The following ACSL1 variants were observed in gnomAD, a reference collection of about 807,000 sequenced individuals.
ACSL1 encodes long-chain-fatty-acid--CoA ligase 1.
A neutral mutation model predicts 98.4 loss-of-function variants in ACSL1; 41 were observed. The observed-to-expected ratio is 0.42, with a 90% CI of 0.32 to 0.54. ACSL1 has a LOEUF of 0.54. Ranked by LOEUF, ACSL1 falls within the 20% of genes least tolerant of loss-of-function variation. ACSL1 has a pLI of 0.13. For missense variants in ACSL1, 734 were observed against 883.1 expected (o/e 0.83, Z 2.14); for synonymous variants, 316 against 322.7 (o/e 0.98, Z 0.22).
Position 184,776,901 on chromosome 4 carries a change from G to C in ACSL1, c.560C>G (p.Thr187Arg), listed in dbSNP as rs199729148. 6.2e-7 allele frequency: 1 copy of C among 1,614,144 alleles called. No homozygotes were observed. Residue 187 changes from threonine to arginine, a missense_variant, in exon 6 of 21, where the codon ACG (threonine) becomes AGG (arginine). Transcript: ENST00000281455. ...AGACGTACCTTTGTTGACTATGTAC[G>C]TGATGGCTTCATTTCCAAGGGTATC... Reference protein sequence around the residue: ...LYDTLGNEAITYIVNKAELSL... With the variant: ...LYDTLGNEAIRYIVNKAELSL...
At chr4:184,774,001 T>C in intron 7 of ACSL1, 126 bp from the exon 8 acceptor site, 1 of 964,194 alleles carries the variant, frequency 1.0e-6, no homozygotes, top group South Asian at 1.5e-5. Flanking sequence ...GAAAACAGCA[T>C]AATTTTCTAA....
At chr4:184,771,788 A>C (rs1764549983) in intron 10 of ACSL1, among the ~76,000 whole-genome samples, 1 of 152,188 alleles carries the variant, frequency 6.6e-6, no homozygotes, top group Non-Finnish European at 1.5e-5. Context: ...GGTCACCCTT[A>C]ATAATAATGT....
chr4:184,811,653 G>A (rs959590453), intron 1 of ACSL1, among the ~76,000 whole-genome samples: 1 of 152,066 alleles, frequency 6.6e-6, no homozygotes, highest in African/African-American at 2.4e-5. Context: ...GCTGGGCAGG[G>A]GGAGGAGGAA....
chr4:184,762,982 C>T (rs1158759052), intron 16 of ACSL1, among the ~76,000 whole-genome samples, 185 bp downstream of exon 16: 3 of 152,182 alleles, frequency 2.0e-5, no homozygotes, highest in African/African-American at 7.2e-5. Flanking sequence ...CAGTGTCCCT[C>T]CTGCCCACTC....
intron 1 of ACSL1, chr4:184,808,331 A>G: frequency 1.0e-6 from 1 of 985,422 alleles, no homozygotes; most frequent in Non-Finnish European, 1.2e-6. Context: ...AGAAACCAAA[A>G]ACCGGGTGGT....
At chr4:184,785,623 A>AGGGG (rs1767144801) in intron 3 of ACSL1, among the ~76,000 whole-genome samples, 3 of 34,032 alleles carry the variant, frequency 8.8e-5, no homozygotes, top group Non-Finnish European at 1.3e-4. Flanking sequence ...GGGGGGGGGA[A>AGGGG]GGAAGCAAAT....
At position 184,757,471 on chromosome 4, in the gene ACSL1, T is replaced by C. The variant is rs1000589968; in HGVS notation, c.1956+164A>G. 1.3e-5 allele frequency among the ~76,000 whole-genome samples: 2 copies of C among 152,226 alleles called. No individual in the cohort carries two copies. Among genetic ancestry groups the C allele is most frequent in the Non-Finnish European group, 2.9e-5 (2 of 68,038 alleles). ...TATTCTGATATCCAGGAAAAGAGAATAAATGCTTTTGATTTAAAAACCTTT... is the reference window on the plus strand; with the variant it reads ...TATTCTGATATCCAGGAAAAGAGAACAAATGCTTTTGATTTAAAAACCTTT... On this transcript the variant is annotated intron_variant, in intron 20 of 20. Coordinates refer to ENST00000281455, the MANE Select transcript of ACSL1 (RefSeq NM_001995.5). The surrounding 1 kb of genome is among the most constrained non-coding windows in gnomAD (Gnocchi z 4.5).
At chr4:184,759,116 T>C (rs1762528564) in intron 18 of ACSL1, among the ~76,000 whole-genome samples, 2 of 152,198 alleles carry the variant, frequency 1.3e-5, no homozygotes, top group African/African-American at 2.4e-5. Flanking sequence ...CCATGGTGTA[T>C]ATGTGACACA....
chr4:184,773,748 T>A lies in ACSL1; in HGVS notation c.790-34A>T. ...TAAAAAAAAAAAAAGCTGGTATAAA[T>A]CAGAACAGAAAAGAGAACTATAAGC... On this transcript the variant is annotated intron_variant, in intron 8 of 20. Transcript: ENST00000281455. The surrounding 1 kb of genome is among the most constrained non-coding windows in gnomAD (Gnocchi z 4.3). 6.2e-7 allele frequency: 1 copy of A among 1,601,792 alleles called. No homozygotes were observed. The highest frequency in any genetic ancestry group is 1.1e-5 in the South Asian group (1 of 89,194).
Position 184,766,832 on chromosome 4 carries a change from C to A in ACSL1, c.1129-76G>T. The stretch of plus-strand genomic sequence containing the variant: ...GTCAAAGAGTGTGGAGAAATCAGAA[C>A]CCTCACACACAGCTGGGGAACACAA... On this transcript the variant is annotated intron_variant, in intron 12 of 20. Transcript: ENST00000281455. The surrounding 1 kb of genome is among the most constrained non-coding windows in gnomAD (Gnocchi z 4.8). 2.0e-6 allele frequency: 3 copies of A among 1,481,420 alleles called. No individual in the cohort carries two copies. The highest frequency in any genetic ancestry group is 1.3e-5 in the South Asian group (1 of 79,924). The allele number at this position is 1,481,420 out of a possible 1,614,324, so 91.8% of individuals were successfully genotyped here.
chr4:184,780,320 A>G lies in ACSL1; in HGVS notation c.477+12T>C, dbSNP rs1561201765. On this transcript the variant is annotated intron_variant, in intron 5 of 20. Coordinates refer to ENST00000281455, the MANE Select transcript of ACSL1 (RefSeq NM_001995.5). ...TCAAAATCATGCATAGCAAGTACCT[A>G]CTGGTTCATACCTCAGGTCTATTTT... 6.2e-7 allele frequency: 1 copy of G among 1,607,738 alleles called. No homozygotes were observed. The highest frequency in any genetic ancestry group is 8.5e-7 in the Non-Finnish European group (1 of 1,175,740).
chr4:184,786,434 A>G lies in ACSL1; in HGVS notation c.310+2183T>C, dbSNP rs199606984. On this transcript the variant is annotated intron_variant, in intron 3 of 20. Coordinates refer to ENST00000281455, the MANE Select transcript of ACSL1 (RefSeq NM_001995.5). ...GGTGGCAAAGCACACACACACACACACACACACACACACACACACACACAC... is the reference window on the plus strand; with the variant it reads ...GGTGGCAAAGCACACACACACACACGCACACACACACACACACACACACAC... Among the ~76,000 whole-genome samples the G allele has an allele frequency of 6.8e-3, 979 of 144,858 alleles. 21 individuals carry two copies. The highest frequency in any genetic ancestry group is 0.046 in the South Asian group (209 of 4,522).
rs748471468 is a variant in ACSL1 at position 184,766,703 on chromosome 4, G to A, written c.1182C>T (p.Ser394=). Residue 394 remains serine, a synonymous_variant, in exon 13 of 21, where the codon TCC becomes TCT. Coordinates refer to ENST00000281455, the MANE Select transcript of ACSL1 (RefSeq NM_001995.5). This position sits in a 1 kb window ranked among gnomAD's most constrained non-coding sequence, Gnocchi z 4.8. ...TLKRWLLDFA[S]KRKEAELRSG... ...TGCGAAGCTCTGCTTCTTTCCTCTTGGAGGCAAAGTCCAAGAGCCATCGCT... is the reference window on the plus strand; with the variant it reads ...TGCGAAGCTCTGCTTCTTTCCTCTTAGAGGCAAAGTCCAAGAGCCATCGCT... The A allele has an allele frequency of 9.9e-6, 16 of 1,614,040 alleles. No individual in the cohort carries two copies. The Admixed American group carries it at 1.0e-4, about 10-fold the overall frequency.
At chr4:184,793,137 AG>A (rs1323479777) in intron 2 of ACSL1, among the ~76,000 whole-genome samples, 4 of 150,834 alleles carry the variant, frequency 2.7e-5, no homozygotes, top group African/African-American at 7.3e-5. Context: ...AGGCTTTAGG[AG>A]TCTTTTATTC....
At chr4:184,780,538 A>G in intron 4 of ACSL1, 105 bp from the exon 5 acceptor site, 1 of 736,104 alleles carries the variant, frequency 1.4e-6, no homozygotes, top group Non-Finnish European at 2.3e-6. Flanking sequence ...AATGCTGCAC[A>G]CAGAAACGGA....
chr4:184,792,512 T>C (rs756585843), intron 2 of ACSL1, among the ~76,000 whole-genome samples: 3 of 152,200 alleles, frequency 2.0e-5, no homozygotes, highest in African/African-American at 7.2e-5. Flanking sequence ...CAGAGCTCAC[T>C]GCCGTCTCAA....
chr4:184,765,041 A>C (rs2150285430), intron 14 of ACSL1, 116 bp from the exon 15 acceptor site: 3,572 of 955,444 alleles, frequency 3.7e-3, no homozygotes, highest in Non-Finnish European at 5.2e-3. Context: ...GTGAAATCTC[A>C]TTTCAAATGG....
At position 184,766,807 on chromosome 4, in the gene ACSL1, G is replaced by T; in HGVS notation, c.1129-51C>A. The T allele has an allele frequency of 1.9e-6, 3 of 1,565,500 alleles. No individual in the cohort carries two copies. Among genetic ancestry groups the T allele is most frequent in the Non-Finnish European group, 2.6e-6 (3 of 1,146,596 alleles). ...TTTCACACCTACTAGGATGGCCAGA[G>T]TCAAAGAGTGTGGAGAAATCAGAAC... On this transcript the variant is annotated intron_variant, in intron 12 of 20. Coordinates refer to ENST00000281455, the MANE Select transcript of ACSL1 (RefSeq NM_001995.5). The surrounding 1 kb of genome is among the most constrained non-coding windows in gnomAD (Gnocchi z 4.8).
At chr4:184,817,042 C>A (rs1163349980) in intron 1 of ACSL1, among the ~76,000 whole-genome samples, 1 of 152,148 alleles carries the variant, frequency 6.6e-6, no homozygotes, top group East Asian at 1.9e-4. Flanking sequence ...AAAAATAAAA[C>A]CCTGATCCCA....
Sources: allele counts gnomAD v4.1 joint callset (sites outside exome capture counted in the v4.1 genomes callset), GRCh38; gene constraint gnomAD v4.1.1; non-coding constraint Gnocchi (gnomAD v3.1); transcripts MANE v1.5; gene names NCBI Gene and HGNC (gene_info 2026-07-23, HGNC 2026-07-21).